The following CACNA1E variants were observed in gnomAD, a reference collection of about 807,000 sequenced individuals.
CACNA1E encodes calcium voltage-gated channel subunit alpha1 E, also known as voltage-dependent R-type calcium channel subunit alpha-1E.
A neutral mutation model predicts 259.2 loss-of-function variants in CACNA1E; 40 were observed. The ratio of observed to expected loss-of-function variants is 0.15; its 90% CI spans 0.12 to 0.20. The LOEUF (loss-of-function observed/expected upper bound fraction) is 0.20, where lower values mean the gene tolerates loss of function less well. Ranked by LOEUF, CACNA1E falls within the 10% of genes least tolerant of loss-of-function variation. CACNA1E has a pLI of 1.00. For synonymous variants in CACNA1E, 1,104 were observed against 1,138.5 expected, an observed-to-expected ratio of 0.97 and a Z score of 0.61; for missense variants, 1,874 against 3,040.1, an observed-to-expected ratio of 0.62 and a Z score of 9.02.
At chr1:181,381,375 A>G (rs962313944) in intron 1 of CACNA1E, among the ~76,000 whole-genome samples, 3 of 152,238 alleles carry the variant, frequency 2.0e-5, no homozygotes, top group Admixed American at 2.0e-4. Flanking sequence ...CAAAATAAGT[A>G]TGCTGACTGA....
intron 1 of CACNA1E, among the ~76,000 whole-genome samples, chr1:181,354,487 A>G (rs1307277797): frequency 6.6e-6 from 1 of 152,194 alleles, no homozygotes; most frequent in Non-Finnish European, 1.5e-5. Flanking sequence ...ACAGTTGATC[A>G]GTGTGGGGGG....
intron 1 of CACNA1E, among the ~76,000 whole-genome samples, chr1:181,343,931 AG>A (rs1052314500): frequency 1.6e-4 from 24 of 152,126 alleles, no homozygotes; most frequent in Non-Finnish European, 2.9e-4. Flanking sequence ...GCTATATAAA[AG>A]GACAACAGGC....
intron 1 of CACNA1E, among the ~76,000 whole-genome samples, chr1:181,345,219 C>A (rs138638064): frequency 6.6e-6 from 1 of 152,232 alleles, no homozygotes; most frequent in Non-Finnish European, 1.5e-5. Flanking sequence ...CAGGGTGAGC[C>A]GTCATCGGCT....
intron 3 of CACNA1E, among the ~76,000 whole-genome samples, chr1:181,551,732 C>G (rs899161217): frequency 2.0e-5 from 3 of 152,186 alleles, no homozygotes; most frequent in Admixed American, 6.5e-5. Context: ...CAACAACATC[C>G]CTGACAGCTG....
Position 181,483,860 on chromosome 1 carries a change from A to G in CACNA1E, c.116A>G (p.Tyr39Cys), listed in dbSNP as rs1663532372. Reference sequence around the variant, plus strand: ...CCGGCCTCGGGGCAGGCGGCCGCCTACAAGCAGACGAAAGCACAGAGGGCG... The same window carrying G: ...CCGGCCTCGGGGCAGGCGGCCGCCTGCAAGCAGACGAAAGCACAGAGGGCG... Reference protein sequence around the residue: ...PVPASGQAAAYKQTKAQRART... With the variant: ...PVPASGQAAACKQTKAQRART... Residue 39 changes from tyrosine (Y) to cysteine (C), a missense_variant, in exon 1 of 48, where the codon TAC becomes TGC. Coordinates refer to ENST00000367573, the MANE Select transcript of CACNA1E (RefSeq NM_001205293.3). 3.7e-6 allele frequency: 6 copies of G among 1,613,642 alleles called. No homozygotes were observed. Among genetic ancestry groups the G allele is most frequent in the Non-Finnish European group, 5.1e-6 (6 of 1,179,812 alleles).
At chr1:181,771,738 A>G (rs192485229) in intron 36 of CACNA1E, 109 of 459,040 alleles carry the variant, frequency 2.4e-4, no homozygotes, top group Admixed American at 1.4e-3. Context: ...GGAGGGGGGA[A>G]TGTCAGGACA....
chr1:181,767,885 T>G (rs1281737926), intron 35 of CACNA1E, among the ~76,000 whole-genome samples: 1 of 152,242 alleles, frequency 6.6e-6, no homozygotes, highest in African/African-American at 2.4e-5. Context: ...GATTCTGGAA[T>G]TAAAATATTC....
At position 181,732,384 on chromosome 1, in the gene CACNA1E, G is replaced by A. The variant is rs1257129141; in HGVS notation, c.2298G>A (p.Leu766=). ...CGGCCCTGCCCTTTCCCCTTGGCAG[G>A]AGGGAGCGGAGGCGCCGGCACCACA... ...MSMWEPRSSH[L]RERRRRHHMS... is the part of the protein sequence containing the mutation. Residue 766 remains leucine (L), a splice_region_variant and synonymous_variant, in exon 20 of 48, where the codon CTG becomes CTA. Transcript: ENST00000367573. This position sits in a 1 kb window ranked among gnomAD's most constrained non-coding sequence, Gnocchi z 5.5. The A allele has an allele frequency of 1.4e-5, 21 of 1,513,390 alleles. No homozygotes were observed. In the Admixed American group the frequency reaches 4.1e-4, roughly 30 times the overall value. The allele number at this position is 1,513,390 out of a possible 1,614,324, so 93.7% of individuals were successfully genotyped here. A position where few individuals can be genotyped will look rare whatever the true frequency, so the allele number is the denominator to read the frequency against.
At chr1:181,571,196 A>G (rs1650376897) in intron 3 of CACNA1E, among the ~76,000 whole-genome samples, 1 of 152,194 alleles carries the variant, frequency 6.6e-6, no homozygotes, top group South Asian at 2.1e-4. Context: ...TGTAGCTCAG[A>G]GTGGCAATTT....
At chr1:181,559,115 A>G (rs763284927) in intron 3 of CACNA1E, among the ~76,000 whole-genome samples, 19 of 152,224 alleles carry the variant, frequency 1.2e-4, no homozygotes, top group Non-Finnish European at 2.1e-4. Context: ...CACAGAGATC[A>G]GTGGAGACAG....
intron 6 of CACNA1E, among the ~76,000 whole-genome samples, chr1:181,639,242 CAT>C (rs1294318524): frequency 6.6e-6 from 1 of 152,138 alleles, no homozygotes; most frequent in East Asian, 1.9e-4. Context: ...TGCCTGCCAC[CAT>C]GCCCGGCTAA....
chr1:181,502,541 G>A (rs1426014851), intron 1 of CACNA1E, among the ~76,000 whole-genome samples: 1 of 152,194 alleles, frequency 6.6e-6, no homozygotes, highest in African/African-American at 2.4e-5. Context: ...GCAGGGTGGA[G>A]CGGCTTGCTG....
intron 1 of CACNA1E, among the ~76,000 whole-genome samples, chr1:181,395,187 C>A (rs953874222): frequency 1.3e-5 from 2 of 152,010 alleles, no homozygotes; most frequent in African/African-American, 4.8e-5. Flanking sequence ...AGAAGTGACT[C>A]GATCTTTTTA....
At chr1:181,382,123 T>C (rs1655499001) in intron 1 of CACNA1E, among the ~76,000 whole-genome samples, 1 of 152,060 alleles carries the variant, frequency 6.6e-6, no homozygotes, top group Non-Finnish European at 1.5e-5. Context: ...TTAGAGGTCA[T>C]CCAAAATGGT....
chr1:181,539,287 G>T (rs1013271431), intron 3 of CACNA1E, among the ~76,000 whole-genome samples: 1 of 152,164 alleles, frequency 6.6e-6, no homozygotes, highest in African/African-American at 2.4e-5. Flanking sequence ...TTGAAGGCAG[G>T]GGTTGTATTG....
At position 181,783,723 on chromosome 1, in the gene CACNA1E, C is replaced by T. The variant is rs375912191; in HGVS notation, c.5409C>T (p.Val1803=). 88 of 1,612,768 alleles carry T rather than the reference C, an allele frequency of 5.5e-5. No individual in the cohort carries two copies. The highest frequency in any genetic ancestry group is 7.1e-5 in the Non-Finnish European group (84 of 1,179,416). ...TGCCAGTAGCTGAGGACATGACGGTCCACTTCACCTCCACACTTATGGCTC... is the reference window on the plus strand; with the variant it reads ...TGCCAGTAGCTGAGGACATGACGGTTCACTTCACCTCCACACTTATGGCTC... ...MNMPVAEDMT[V]HFTSTLMALI... The change falls in exon 40 of 48, where the codon GTC becomes GTT. Residue 1803 remains valine, a synonymous_variant. Transcript: ENST00000367573.
At chr1:181,738,262 G>A in intron 23 of CACNA1E, 105 bp from the exon 24 acceptor site, 2 of 863,140 alleles carry the variant, frequency 2.3e-6, no homozygotes, top group South Asian at 2.8e-5. Flanking sequence ...GTGGGTGAGG[G>A]CCAGGGTGGG....
At chr1:181,773,186 C>G (rs1659675902) in intron 37 of CACNA1E, among the ~76,000 whole-genome samples, 1 of 152,194 alleles carries the variant, frequency 6.6e-6, no homozygotes, top group South Asian at 2.1e-4. Flanking sequence ...CCCAAGGGGA[C>G]TGAAACTTCC....
intron 6 of CACNA1E, among the ~76,000 whole-genome samples, chr1:181,604,603 G>T (rs1305361847): frequency 1.3e-5 from 2 of 152,224 alleles, no homozygotes; most frequent in African/African-American, 2.4e-5. Flanking sequence ...ATTTTCTATT[G>T]ACAAGGGCAA....
Sources: allele counts gnomAD v4.1 joint callset (sites outside exome capture counted in the v4.1 genomes callset), GRCh38; gene constraint gnomAD v4.1.1; non-coding constraint Gnocchi (gnomAD v3.1); transcripts MANE v1.5; gene names NCBI Gene and HGNC (gene_info 2026-07-23, HGNC 2026-07-21).